The following PEX16 variants were observed in gnomAD, a reference collection of about 807,000 sequenced individuals.
The protein encoded by PEX16 is peroxisomal biogenesis factor 16, also known as peroxin 16.
Under a neutral mutation model 50.5 loss-of-function variants are expected in PEX16, and 37 were observed. The ratio of observed to expected loss-of-function variants is 0.73; its 90% CI spans 0.56 to 0.96. The LOEUF (loss-of-function observed/expected upper bound fraction) is 0.96. Among genes scored for constraint, PEX16 ranks in the 40% least tolerant of loss-of-function variants. The pLI, the probability that PEX16 is intolerant of heterozygous loss-of-function variation, is 0.00. For missense variants in PEX16, 401 were observed against 438.3 expected, an observed-to-expected ratio of 0.91 and a Z score of 0.76; for synonymous variants, 185 against 190.3, an observed-to-expected ratio of 0.97 and a Z score of 0.23.
At chr11:45,910,675 C>T (rs1404243354) in intron 10 of PEX16, among the ~76,000 whole-genome samples, 1 of 152,214 alleles carries the variant, frequency 6.6e-6, no homozygotes, top group African/African-American at 2.4e-5. Flanking sequence ...AAGCTGGCAG[C>T]TGATGTGGTC....
At position 45,910,325 on chromosome 11, in the gene PEX16, A is replaced by AG; in HGVS notation, c.953-14dup. ...TCCATGAGCGGCCCTGCAGTGGGAGAGGGACACATCAGGGCAGGCCAGACC... is the reference window on the plus strand; with the variant it reads ...TCCATGAGCGGCCCTGCAGTGGGAGAGGGGACACATCAGGGCAGGCCAGACC... On this transcript the variant is annotated splice_polypyrimidine_tract_variant and intron_variant, in intron 10 of 10. Transcript: ENST00000378750. The AG allele has an allele frequency of 6.2e-7, 1 of 1,605,248 alleles. No individual in the cohort carries two copies. The highest frequency in any genetic ancestry group is 8.5e-7 in the Non-Finnish European group (1 of 1,172,318).
chr11:45,910,391 G>A, intron 10 of PEX16, 79 bp from the exon 11 acceptor site: 1 of 1,230,038 alleles, frequency 8.1e-7, no homozygotes, highest in Non-Finnish European at 1.2e-6. Context: ...CCTCACCCCT[G>A]CGGCCCAGGA....
intron 9 of PEX16, among the ~76,000 whole-genome samples, chr11:45,912,199 T>C (rs188899161): frequency 6.6e-6 from 1 of 150,950 alleles, no homozygotes; most frequent in East Asian, 2.0e-4. Flanking sequence ...TTTTCTGTTT[T>C]AAAAAAAAGA....
upstream of PEX16, chr11:45,918,255 G>T (rs764431390): frequency 4.4e-5 from 12 of 270,196 alleles, no homozygotes; most frequent in Non-Finnish European, 8.9e-5. Context: ...CGAACGGCAG[G>T]GCCGGATTTT....
At chr11:45,915,602 G>A (rs1565081796) in intron 4 of PEX16, 34 bp from the exon 5 acceptor site, 3 of 1,613,176 alleles carry the variant, frequency 1.9e-6, no homozygotes, top group Admixed American at 1.7e-5. Flanking sequence ...TTGTGGGGAG[G>A]TGGCTAGCCG....
At position 45,917,439 on chromosome 11, in the gene PEX16, C is replaced by T. The variant is rs1308360969; in HGVS notation, c.148+19G>A. ...CAGGCAGCCGATCCCCCATCCCCCA[C>T]CCCCAGAGCCCGGCTCACCCAGCTC... On this transcript the variant is annotated intron_variant, in intron 2 of 10. Transcript: ENST00000378750. 3 of 1,612,664 alleles carry T rather than the reference C, an allele frequency of 1.9e-6. No homozygotes were observed. Among genetic ancestry groups the T allele is most frequent in the Non-Finnish European group, 2.5e-6 (3 of 1,179,042 alleles).
chr11:45,914,826 T>C (rs1590796276), intron 5 of PEX16, 142 bp from the exon 6 acceptor site: 1 of 774,706 alleles, frequency 1.3e-6, no homozygotes, highest in Non-Finnish European at 2.3e-6. Flanking sequence ...TCAAGGGAAC[T>C]ACAAGCAGGG....
chr11:45,916,151 G>A (rs752993053), intron 3 of PEX16, 76 bp downstream of exon 3: 1 of 1,053,430 alleles, frequency 9.5e-7, no homozygotes, highest in Non-Finnish European at 1.5e-6. Flanking sequence ...GACATGTGCT[G>A]CACGCATGGG....
At chr11:45,910,749 C>G in intron 10 of PEX16, 149 bp downstream of exon 10, 1 of 843,674 alleles carries the variant, frequency 1.2e-6, no homozygotes, top group Non-Finnish European at 2.0e-6. Context: ...TGGCCTATGC[C>G]CAGGGGCAGT....
rs1186982958 is a variant in PEX16 at position 45,917,119 on chromosome 11, C to T, written c.148+339G>A. ...GGTTCTGGGACCATCAGTGACTGTT[C>T]TCTAACCTCACTGAGCTTCTTCCTT... On this transcript the variant is annotated intron_variant, in intron 2 of 10. Transcript: ENST00000378750. The T allele has an allele frequency of 9.8e-6, 6 of 613,324 alleles. No homozygotes were observed. In the East Asian group the frequency reaches 1.7e-4, roughly 18 times the overall value. The allele number at this position is 613,324 out of a possible 1,614,324, so 38.0% of individuals were successfully genotyped here. A position where few individuals can be genotyped will look rare whatever the true frequency, so the allele number is the denominator to read the frequency against.
At chr11:45,911,221 C>T (rs1388432594) in intron 9 of PEX16, among the ~76,000 whole-genome samples, 2 of 152,190 alleles carry the variant, frequency 1.3e-5, no homozygotes, top group Non-Finnish European at 2.9e-5. Flanking sequence ...CCTCTTTCCC[C>T]TTCCACCGAC....
At chr11:45,912,475 G>A (rs1291768229) in intron 9 of PEX16, among the ~76,000 whole-genome samples, 1 of 151,998 alleles carries the variant, frequency 6.6e-6, no homozygotes, top group African/African-American at 2.4e-5. Flanking sequence ...CTCCAGCCTA[G>A]GCAGGCAACA....
intron 8 of PEX16, 86 bp from the exon 9 acceptor site, chr11:45,914,024 G>A (rs1421200603): frequency 6.3e-7 from 1 of 1,592,594 alleles, no homozygotes; most frequent in South Asian, 1.1e-5. Context: ...GTGTCCAGAG[G>A]GGCAGCAACA....
chr11:45,917,907 C>T, upstream of PEX16: 1 of 908,120 alleles, frequency 1.1e-6, no homozygotes, highest in Non-Finnish European at 1.7e-6. Context: ...GTCTTAGGCC[C>T]GCCTCTTGGT....
chr11:45,910,350 C>G (rs958549168), intron 10 of PEX16, 38 bp from the exon 11 acceptor site: 1 of 1,530,888 alleles, frequency 6.5e-7, no homozygotes, highest in Non-Finnish European at 9.1e-7. Context: ...CAGGCCAGAC[C>G]CCAATCTGCA....
chr11:45,916,117 A>G, intron 3 of PEX16, 110 bp downstream of exon 3: 1 of 862,228 alleles, frequency 1.2e-6, no homozygotes, highest in Non-Finnish European at 2.0e-6. Flanking sequence ...TCAGATGGAC[A>G]TAGGCCTGTC....
intron 9 of PEX16, 84 bp downstream of exon 9, chr11:45,913,735 G>A (rs2086801012): frequency 1.3e-6 from 2 of 1,504,242 alleles, no homozygotes; most frequent in Non-Finnish European, 1.8e-6. Flanking sequence ...TGAGGCGTGG[G>A]GAAGGGAAGG....
At chr11:45,917,360 A>G (rs2086847962) in intron 2 of PEX16, 98 bp downstream of exon 2, 1 of 1,077,868 alleles carries the variant, frequency 9.3e-7, no homozygotes, top group Non-Finnish European at 1.4e-6. Flanking sequence ...TCTAACGGGC[A>G]GCCCAGGTCC....
rs747026700 is a variant in PEX16 at position 45,913,920 on chromosome 11, G to A, written c.786C>T (p.Asp262=). Residue 262 remains aspartate (D), a synonymous_variant, in exon 9 of 11, where the codon GAC becomes GAT. Coordinates refer to ENST00000378750, the MANE Select transcript of PEX16 (RefSeq NM_004813.4). ...VDVTSLSLLS[D]RKGLTRRERR... Reference sequence around the variant, plus strand: ...GCTCCCTCCGGGTCAGGCCCTTTCTGTCACTCAGGAGGCTCAGGCTGGGAG... The same window carrying A: ...GCTCCCTCCGGGTCAGGCCCTTTCTATCACTCAGGAGGCTCAGGCTGGGAG... 1 of 1,613,088 alleles carries A rather than the reference G, an allele frequency of 6.2e-7. No individual in the cohort carries two copies. The highest frequency in any genetic ancestry group is 1.7e-5 in the Admixed American group (1 of 60,006).
Sources: gnomAD v4.1 joint callset for allele counts (sites outside exome capture counted in the v4.1 genomes callset) on GRCh38, gnomAD v4.1.1 for gene constraint, MANE v1.5 for transcripts, NCBI Gene and HGNC (gene_info 2026-07-23, HGNC 2026-07-21) for gene names.